Variants in PPP2R2B observed in about 807,000 individuals in gnomAD.
PPP2R2B encodes the protein serine/threonine-protein phosphatase 2A 55 kDa regulatory subunit B beta isoform.
Under a neutral mutation model 46.0 loss-of-function variants are expected in PPP2R2B, and 5 were observed. The ratio of observed to expected loss-of-function variants is 0.11; its 90% CI spans 0.06 to 0.23. PPP2R2B has a LOEUF of 0.23. PPP2R2B is among the 10% of genes least tolerant of loss of function. PPP2R2B has a pLI of 1.00. For synonymous variants in PPP2R2B, 215 were observed against 206.7 expected, an observed-to-expected ratio of 1.04 and a Z score of -0.34; for missense variants, 367 against 575.0, an observed-to-expected ratio of 0.64 and a Z score of 3.70.
chr5:146,802,466 T>C lies in PPP2R2B; in HGVS notation c.70+75536A>G, dbSNP rs139837226. On this transcript the variant is annotated intron_variant, in intron 2 of 9. Coordinates refer to ENST00000394411, the MANE Select transcript of PPP2R2B (RefSeq NM_181675.4). ...AGAATTAGTAAGTGCTCCTGAAGCA[T>C]CATCTCATTCCATCTGTTGTCAAAG... Among the ~76,000 whole-genome samples the C allele has an allele frequency of 4.0e-3, 607 of 152,306 alleles. 9 individuals are homozygous for C. Among genetic ancestry groups the C allele is most frequent in the African/African-American group, 0.014 (579 of 41,550 alleles).
At chr5:146,969,287 A>C (rs1218501461) in intron 1 of PPP2R2B, among the ~76,000 whole-genome samples, 1 of 152,198 alleles carries the variant, frequency 6.6e-6, no homozygotes, top group Non-Finnish European at 1.5e-5. Context: ...AGATGGAGGA[A>C]GGCCCTGTGC....
intron 1 of PPP2R2B, among the ~76,000 whole-genome samples, chr5:147,039,462 T>C (rs996583501): frequency 1.3e-5 from 2 of 152,138 alleles, no homozygotes; most frequent in Non-Finnish European, 2.9e-5. Context: ...CGGGGGGCTC[T>C]ACTTCTGTGC....
At chr5:146,844,403 CCAGA>C (rs1171154619) in intron 2 of PPP2R2B, among the ~76,000 whole-genome samples, 2 of 151,678 alleles carry the variant, frequency 1.3e-5, no homozygotes, top group Non-Finnish European at 2.9e-5. Context: ...ATCCAAAATG[CCAGA>C]CAAATAAAAG....
At chr5:146,950,482 C>A (rs1764619602) in intron 1 of PPP2R2B, among the ~76,000 whole-genome samples, 1 of 152,094 alleles carries the variant, frequency 6.6e-6, no homozygotes, top group East Asian at 1.9e-4. Context: ...CAGTGAATCA[C>A]CTGGAAAGAC....
chr5:146,746,977 C>T (rs1405623052), intron 2 of PPP2R2B, among the ~76,000 whole-genome samples: 1 of 152,150 alleles, frequency 6.6e-6, no homozygotes, highest in Non-Finnish European at 1.5e-5. Context: ...TAACATCGTG[C>T]TGCATATCAT....
rs1163618092 is a variant in PPP2R2B, at chr5:146,878,092, T to C, written c.-21A>G. ...TCCATTGACAGCAGGCTTACTTGCGTGGGAACCAGAAGCCGGCAGACAAGT... is the reference window on the plus strand; with the variant it reads ...TCCATTGACAGCAGGCTTACTTGCGCGGGAACCAGAAGCCGGCAGACAAGT... On this transcript the variant is annotated 5_prime_UTR_variant, in exon 2 of 10. Transcript: ENST00000394411. This position sits in a 1 kb window ranked among gnomAD's most constrained non-coding sequence, Gnocchi z 4.5. The C allele has an allele frequency of 6.2e-7, 1 of 1,614,070 alleles. No individual in the cohort carries two copies. The highest frequency in any genetic ancestry group is 8.5e-7 in the Non-Finnish European group (1 of 1,180,012).
At chr5:146,769,421 A>G (rs1374200886) in intron 2 of PPP2R2B, among the ~76,000 whole-genome samples, 1 of 152,198 alleles carries the variant, frequency 6.6e-6, no homozygotes, top group Non-Finnish European at 1.5e-5. Flanking sequence ...CTATGGCAGT[A>G]TCCTGTTTAT....
intron 7 of PPP2R2B, among the ~76,000 whole-genome samples, chr5:146,624,055 A>G (rs888492074): frequency 6.6e-6 from 1 of 152,186 alleles, no homozygotes; most frequent in Admixed American, 6.5e-5. Context: ...TATTCATTAT[A>G]TGATGTAAGA....
At chr5:146,813,727 C>T (rs765981752) in intron 2 of PPP2R2B, among the ~76,000 whole-genome samples, 3 of 152,156 alleles carry the variant, frequency 2.0e-5, no homozygotes, top group East Asian at 1.9e-4. Flanking sequence ...GCTGTCTGAA[C>T]GAGTTTGCCT....
At chr5:146,842,877 G>GT (rs888095704) in intron 2 of PPP2R2B, among the ~76,000 whole-genome samples, 20 of 152,182 alleles carry the variant, frequency 1.3e-4, no homozygotes, top group Middle Eastern at 6.8e-3. Context: ...TTGAAATGCA[G>GT]TTTTTTTTCT....
intron 2 of PPP2R2B, among the ~76,000 whole-genome samples, chr5:146,732,889 G>C (rs1412776408): frequency 2.0e-5 from 3 of 152,158 alleles, no homozygotes; most frequent in African/African-American, 7.2e-5. Flanking sequence ...ACTTGTTCAA[G>C]ACCACACAGT....
intron 1 of PPP2R2B, among the ~76,000 whole-genome samples, chr5:146,904,428 T>G: frequency 6.6e-6 from 1 of 152,184 alleles, no homozygotes; most frequent in East Asian, 1.9e-4. Context: ...ACTCAGCCTC[T>G]CATGAGGCTT....
At chr5:146,706,649 G>T in intron 2 of PPP2R2B, 2 of 829,988 alleles carry the variant, frequency 2.4e-6, no homozygotes, top group Non-Finnish European at 4.1e-6. Context: ...AAATCCTCCC[G>T]CCTTTGAGGC....
intron 2 of PPP2R2B, among the ~76,000 whole-genome samples, chr5:146,871,144 G>A (rs867808359): frequency 9.9e-5 from 15 of 152,248 alleles, no homozygotes; most frequent in Admixed American, 2.0e-4. Context: ...AAGATGACAA[G>A]TTGGGTGAAA....
rs1209776227 is a variant in PPP2R2B at position 146,600,418 on chromosome 5, G to C, written c.833C>G (p.Ser278Cys). Reference sequence around the variant, plus strand: ...ATCCGAAATCGAAGAGATAATTTCAGAGAAAAATGATCTGTTGCTTGGATC... The same window carrying C: ...ATCCGAAATCGAAGAGATAATTTCACAGAAAAATGATCTGTTGCTTGGATC... ...PEDPSNRSFF[S>C]EIISSISDVK... is the part of the protein sequence containing the mutation. The change falls in exon 8 of 10, where the codon TCT becomes TGT. Residue 278 changes from serine to cysteine, a missense_variant. By Grantham distance (112) the Ser-to-Cys change is moderately radical. Transcript: ENST00000394411. 1 of 1,613,772 alleles carries C rather than the reference G, an allele frequency of 6.2e-7. No homozygotes were observed. The highest frequency in any genetic ancestry group is 1.3e-5 in the African/African-American group (1 of 74,904).
At chr5:146,994,064 T>C (rs1580769810) in intron 1 of PPP2R2B, among the ~76,000 whole-genome samples, 1 of 152,084 alleles carries the variant, frequency 6.6e-6, no homozygotes, top group South Asian at 2.1e-4. Context: ...AGGCAGACAG[T>C]CAAAAAACCT....
chr5:146,786,774 G>A (rs138764917), intron 2 of PPP2R2B, among the ~76,000 whole-genome samples: 99 of 152,280 alleles, frequency 6.5e-4, no homozygotes, highest in African/African-American at 2.0e-3. Context: ...ATGTAATCTA[G>A]CAAGTTCCTT....
At chr5:146,868,387 G>A (rs1269591271) in intron 2 of PPP2R2B, among the ~76,000 whole-genome samples, 1 of 152,140 alleles carries the variant, frequency 6.6e-6, no homozygotes, top group Non-Finnish European at 1.5e-5. Context: ...GTCATTTAAA[G>A]CCTATGGCCA....
intron 2 of PPP2R2B, among the ~76,000 whole-genome samples, chr5:146,860,922 G>C (rs1760946954): frequency 6.6e-6 from 1 of 152,060 alleles, no homozygotes; most frequent in East Asian, 1.9e-4. Context: ...AAATCTAAGG[G>C]CCAGGCTCAT....
Sources: allele counts gnomAD v4.1 joint callset (sites outside exome capture counted in the v4.1 genomes callset), GRCh38; gene constraint gnomAD v4.1.1; non-coding constraint Gnocchi (gnomAD v3.1); transcripts MANE v1.5; gene names NCBI Gene and HGNC (gene_info 2026-07-23, HGNC 2026-07-21).